Variants in RECK observed in about 807,000 individuals in gnomAD.
RECK encodes the protein reversion inducing cysteine rich protein with kazal motifs, also known as reversion-inducing cysteine-rich protein with Kazal motifs.
A neutral mutation model predicts 115.1 loss-of-function variants in RECK; 69 were observed. The observed-to-expected ratio is 0.60, with a 90% CI of 0.49 to 0.73. The LOEUF is 0.73. RECK is among the 30% of genes least tolerant of loss of function. RECK has a pLI of 0.00. For synonymous variants in RECK, 414 were observed against 419.7 expected, an observed-to-expected ratio of 0.99 and a Z score of 0.17; for missense variants, 1,047 against 1,203.7, an observed-to-expected ratio of 0.87 and a Z score of 1.93.
intron 4 of RECK, among the ~76,000 whole-genome samples, chr9:36,061,261 C>G (rs1029423372): frequency 2.6e-5 from 4 of 151,956 alleles, no homozygotes; most frequent in African/African-American, 7.3e-5. Context: ...CCTTATGTAT[C>G]TCTGAATTCT....
chr9:36,068,962 G>A (rs1323813200), intron 6 of RECK, among the ~76,000 whole-genome samples: 1 of 152,128 alleles, frequency 6.6e-6, no homozygotes, highest in East Asian at 1.9e-4. Context: ...TTCTGAAATG[G>A]TAGTGGCCCT....
At chr9:36,111,716 T>C (rs906761636) in intron 15 of RECK, among the ~76,000 whole-genome samples, 2 of 152,062 alleles carry the variant, frequency 1.3e-5, no homozygotes, top group Admixed American at 6.6e-5. Flanking sequence ...TGCTTGGTAT[T>C]AGCCTTTAAC....
In RECK at chr9:36,119,092, T is replaced by C. The variant is rs1190970131; in HGVS notation, c.2464+125T>C. Reference sequence around the variant, plus strand: ...TCAGAAAGTCTTGAAGAGATTCTTATGCTGATCATACTCACTACTTTGGGT... The same window carrying C: ...TCAGAAAGTCTTGAAGAGATTCTTACGCTGATCATACTCACTACTTTGGGT... On this transcript the variant is annotated intron_variant, in intron 18 of 20. Coordinates refer to ENST00000377966, the MANE Select transcript of RECK (RefSeq NM_021111.3). The C allele has an allele frequency of 3.2e-6, 3 of 939,428 alleles. No individual in the cohort carries two copies. In the South Asian group the frequency reaches 5.0e-5, roughly 16 times the overall value. The allele number at this position is 939,428 out of a possible 1,614,324, so 58.2% of individuals were successfully genotyped here.
chr9:36,068,333 G>A (rs1035446051), intron 6 of RECK, among the ~76,000 whole-genome samples: 2 of 152,196 alleles, frequency 1.3e-5, no homozygotes, highest in Non-Finnish European at 2.9e-5. Context: ...ATGATGGATT[G>A]AATATAGATG....
chr9:36,066,027 A>G (rs765646678), intron 6 of RECK, among the ~76,000 whole-genome samples: 7 of 152,186 alleles, frequency 4.6e-5, no homozygotes, highest in Non-Finnish European at 8.8e-5. Flanking sequence ...GTAATAAAAG[A>G]AAGAAAATCA....
At position 36,063,801 on chromosome 9, in the gene RECK, T is replaced by A; in HGVS notation, c.278T>A (p.Phe93Tyr). ...TAAACATTTTGTTTTTAAGGTGTGTTTAAGAAGTCTGATGGCTGGGTTGGC... is the reference window on the plus strand; with the variant it reads ...TAAACATTTTGTTTTTAAGGTGTGTATAAGAAGTCTGATGGCTGGGTTGGC... ...NCMNSSLPGV[F>Y]KKSDGWVGLG... The change falls in exon 5 of 21, where the codon TTT becomes TAT. Residue 93 changes from phenylalanine to tyrosine, a missense_variant. By Grantham distance (22) the Phe-to-Tyr change is conservative (BLOSUM62 3). Coordinates refer to ENST00000377966, the MANE Select transcript of RECK (RefSeq NM_021111.3). 1 of 1,614,028 alleles carries A rather than the reference T, an allele frequency of 6.2e-7. No homozygotes were observed. Among genetic ancestry groups the A allele is most frequent in the Non-Finnish European group, 8.5e-7 (1 of 1,179,872 alleles).
At chr9:36,052,355 A>C (rs1821341541) in intron 2 of RECK, 32 bp downstream of exon 2, 1 of 1,522,260 alleles carries the variant, frequency 6.6e-7, no homozygotes, top group African/African-American at 1.4e-5. Flanking sequence ...AGAGGCAGCC[A>C]GACACAGTGG....
At chr9:36,078,986 C>T (rs924683089) in intron 6 of RECK, among the ~76,000 whole-genome samples, 3 of 152,108 alleles carry the variant, frequency 2.0e-5, no homozygotes, top group Non-Finnish European at 2.9e-5. Context: ...ACCTCCGCCT[C>T]CCAGGTTCAA....
chr9:36,081,832 C>CAAA (rs71336424), intron 7 of RECK, among the ~76,000 whole-genome samples: 104 of 122,994 alleles, frequency 8.5e-4, no homozygotes, highest in Admixed American at 3.2e-3. Context: ...GACTGTGTCT[C>CAAA]AAAAAAAAAA....
intron 6 of RECK, among the ~76,000 whole-genome samples, chr9:36,073,895 T>C (rs957201591): frequency 2.6e-5 from 4 of 152,206 alleles, no homozygotes; most frequent in African/African-American, 9.7e-5. Flanking sequence ...ACCAGCTCCC[T>C]ACCAGCTAGG....
intron 19 of RECK, 52 bp from the exon 20 acceptor site, chr9:36,121,481 C>G (rs929037155): frequency 1.3e-6 from 2 of 1,545,982 alleles, no homozygotes; most frequent in African/African-American, 2.7e-5. Context: ...GGAGCTTAGG[C>G]AGTCATAGGA....
At chr9:36,065,543 T>C in intron 5 of RECK, 34 bp from the exon 6 acceptor site, 1 of 1,547,596 alleles carries the variant, frequency 6.5e-7, no homozygotes, top group South Asian at 1.2e-5. Flanking sequence ...ATAGCATGTA[T>C]AATAAATTAA....
rs769345944 is a variant in RECK at position 36,100,465 on chromosome 9, C to T, written c.1220C>T (p.Pro407Leu). ...IPVLDIKKCQ[P>L]EMWKAIACSL... ...GTTCTTGATATTAAAAAGTGCCAGC[C>T]AGAGATGTGGAAAGCAATAGCTTGT... Residue 407 changes from proline to leucine, a missense_variant, in exon 11 of 21, where the codon CCA becomes CTA. Coordinates refer to ENST00000377966, the MANE Select transcript of RECK (RefSeq NM_021111.3). 3 of 1,614,018 alleles carry T rather than the reference C, an allele frequency of 1.9e-6. No homozygotes were observed. The Admixed American group carries it at 5.0e-5, about 27-fold the overall frequency.
At position 36,058,655 on chromosome 9, in the gene RECK, TAATTAATA is replaced by T. The variant is rs1259342877; in HGVS notation, c.160-168_160-161del. Among the ~76,000 whole-genome samples, 172 of 148,606 alleles carry T rather than the reference TAATTAATA, an allele frequency of 1.2e-3. 1 individual carries two copies. Among genetic ancestry groups the T allele is most frequent in the African/African-American group, 3.7e-3 (151 of 40,364 alleles). ...TACCCTAAAACTTAAAGTATAATAA[TAATTAATA>T]AATAAATAAATAAATAAATAAAAAT... On this transcript the variant is annotated intron_variant, in intron 2 of 20. Coordinates refer to ENST00000377966, the MANE Select transcript of RECK (RefSeq NM_021111.3).
intron 7 of RECK, among the ~76,000 whole-genome samples, chr9:36,083,052 C>T (rs1024707055): frequency 3.3e-5 from 5 of 152,250 alleles, no homozygotes; most frequent in East Asian, 1.9e-4. Flanking sequence ...CATTGCAAGA[C>T]GTTTAGCAGC....
intron 6 of RECK, among the ~76,000 whole-genome samples, chr9:36,074,091 T>G (rs1381976781): frequency 3.9e-5 from 6 of 152,188 alleles, no homozygotes; most frequent in Non-Finnish European, 8.8e-5. Context: ...AGAGTAACCT[T>G]TGCCTTAAAT....
At chr9:36,067,163 T>C (rs1481965030) in intron 6 of RECK, among the ~76,000 whole-genome samples, 1 of 152,212 alleles carries the variant, frequency 6.6e-6, no homozygotes, top group Non-Finnish European at 1.5e-5. Context: ...TGTTGAAGTC[T>C]AGTCTAGACA....
intron 9 of RECK, 34 bp from the exon 10 acceptor site, chr9:36,091,130 C>T (rs1054299359): frequency 7.5e-6 from 12 of 1,603,778 alleles, no homozygotes; most frequent in Non-Finnish European, 9.4e-6. Context: ...TTGGTTGGCT[C>T]ATGTCGGCTT....
At chr9:36,080,680 A>G in intron 7 of RECK, 42 bp downstream of exon 7, 4 of 1,574,336 alleles carry the variant, frequency 2.5e-6, no homozygotes, top group Non-Finnish European at 3.5e-6. Context: ...GTCCAAAGAT[A>G]TAATTAGCCA....
Sources: gnomAD v4.1 joint callset for allele counts (sites outside exome capture counted in the v4.1 genomes callset) on GRCh38, gnomAD v4.1.1 for gene constraint, MANE v1.5 for transcripts, NCBI Gene and HGNC (gene_info 2026-07-23, HGNC 2026-07-21) for gene names.